Variants in DIP2C observed in about 807,000 individuals in gnomAD.
The protein encoded by DIP2C is DIP2 acetate--CoA ligase C (putative).
A neutral mutation model predicts 192.4 loss-of-function variants in DIP2C; 33 were observed. That is an observed-to-expected ratio of 0.17 (90% CI 0.13 to 0.23). DIP2C has a LOEUF of 0.23. Among genes scored for constraint, DIP2C ranks in the 10% least tolerant of loss-of-function variants. The pLI is 1.00. For missense variants in DIP2C, 1,537 were observed against 2,110.1 expected, an observed-to-expected ratio of 0.73 and a Z score of 5.32; for synonymous variants, 979 against 864.1, an observed-to-expected ratio of 1.13 and a Z score of -2.33.
At chr10:399,929 C>T (rs1455933098) in intron 9 of DIP2C, among the ~76,000 whole-genome samples, 2 of 152,222 alleles carry the variant, frequency 1.3e-5, no homozygotes, top group Non-Finnish European at 2.9e-5. Flanking sequence ...GTGGCACCAA[C>T]CCATCCTGCC....
chr10:590,354 A>C (rs61832964), intron 1 of DIP2C, among the ~76,000 whole-genome samples: 2,220 of 152,306 alleles, frequency 0.015, 30 homozygotes, highest in Middle Eastern at 0.041. Context: ...AAACCACAGC[A>C]AGCTGTTCCT....
chr10:373,985 C>T (rs918885449), intron 17 of DIP2C, among the ~76,000 whole-genome samples: 1 of 152,200 alleles, frequency 6.6e-6, no homozygotes, highest in Non-Finnish European at 1.5e-5. Flanking sequence ...TGTCTTTTCT[C>T]ATTCCTTTGA....
chr10:408,028 T>A (rs572891844), intron 9 of DIP2C, among the ~76,000 whole-genome samples: 1 of 152,306 alleles, frequency 6.6e-6, no homozygotes, highest in African/African-American at 2.4e-5. Context: ...TTCTCTATAT[T>A]TTCTTCTAAG....
At chr10:627,260 C>T (rs1374721136) in intron 1 of DIP2C, among the ~76,000 whole-genome samples, 1 of 152,222 alleles carries the variant, frequency 6.6e-6, no homozygotes, top group Admixed American at 6.5e-5. Context: ...GCAAGAAGGC[C>T]GGACAAGGGC....
intron 1 of DIP2C, among the ~76,000 whole-genome samples, chr10:615,801 A>G (rs1031770240): frequency 3.3e-5 from 5 of 151,858 alleles, no homozygotes; most frequent in African/African-American, 9.7e-5. Context: ...GTGAGATTAC[A>G]CTCCTCCAAA....
In DIP2C at chr10:356,523, G is replaced by A; in HGVS notation, c.2905-17C>T. 1.9e-6 allele frequency: 3 copies of A among 1,604,780 alleles called. No homozygotes were observed. Among genetic ancestry groups the A allele is most frequent in the East Asian group, 4.5e-5 (2 of 44,762 alleles). Reference sequence around the variant, plus strand: ...GAACAGGAACTGGAACAGAGCACGGGCATGAGGATCAGGCTGTGCGGTTGG... The same window carrying A: ...GAACAGGAACTGGAACAGAGCACGGACATGAGGATCAGGCTGTGCGGTTGG... On this transcript the variant is annotated splice_polypyrimidine_tract_variant and intron_variant, in intron 23 of 36. Transcript: ENST00000280886.
chr10:304,715 A>G (rs1006339701), intron 32 of DIP2C, among the ~76,000 whole-genome samples: 2 of 151,648 alleles, frequency 1.3e-5, no homozygotes, highest in Non-Finnish European at 2.9e-5. Context: ...ACTCATCTGC[A>G]TGCACACACG....
intron 22 of DIP2C, 132 bp from the exon 23 acceptor site, chr10:358,069 A>G (rs931398526): frequency 8.3e-6 from 5 of 603,914 alleles, no homozygotes; most frequent in African/African-American, 7.4e-5. Flanking sequence ...ACCTTCTAAG[A>G]ACAGAGATTC....
At chr10:353,814 G>A (rs1484522514) in intron 24 of DIP2C, among the ~76,000 whole-genome samples, 1 of 152,200 alleles carries the variant, frequency 6.6e-6, no homozygotes, top group Non-Finnish European at 1.5e-5. Flanking sequence ...CTTATGGTGT[G>A]TGGAGTGATT....
intron 1 of DIP2C, among the ~76,000 whole-genome samples, chr10:523,192 A>C (rs1358655008): frequency 4.8e-4 from 63 of 132,026 alleles, no homozygotes; most frequent in African/African-American, 1.6e-3. Flanking sequence ...CTGACCCACA[A>C]GCTCGTTTCC....
intron 17 of DIP2C, among the ~76,000 whole-genome samples, chr10:378,933 G>C (rs1040811915): frequency 6.6e-6 from 1 of 152,216 alleles, no homozygotes; most frequent in African/African-American, 2.4e-5. Context: ...GAGGACAGGC[G>C]AGTCACCAGC....
intron 31 of DIP2C, among the ~76,000 whole-genome samples, chr10:321,214 C>T (rs3132013): frequency 0.77 from 117,779 of 152,168 alleles, 46,413 homozygotes; most frequent in Non-Finnish European, 0.84. Context: ...CTTGTCCAGG[C>T]GCCAAGTCAG....
chr10:491,393 G>A (rs1844439079), intron 1 of DIP2C, among the ~76,000 whole-genome samples: 1 of 152,228 alleles, frequency 6.6e-6, no homozygotes, highest in African/African-American at 2.4e-5. Flanking sequence ...TGGTGCTGCT[G>A]CTCTGAGCCT....
At chr10:294,682 T>C (rs1316123210) in intron 32 of DIP2C, among the ~76,000 whole-genome samples, 1 of 152,092 alleles carries the variant, frequency 6.6e-6, no homozygotes, top group Non-Finnish European at 1.5e-5. Flanking sequence ...TTTATGTCCA[T>C]TCATAAAGTT....
At chr10:595,607 CTT>C (rs753943914) in intron 1 of DIP2C, among the ~76,000 whole-genome samples, 13 of 144,024 alleles carry the variant, frequency 9.0e-5, no homozygotes, top group Non-Finnish European at 1.5e-4. Flanking sequence ...AGGACACAAA[CTT>C]TTAAAAAGCT....
intron 3 of DIP2C, among the ~76,000 whole-genome samples, chr10:462,781 T>C (rs1216289570): frequency 6.6e-6 from 1 of 152,208 alleles, no homozygotes; most frequent in Non-Finnish European, 1.5e-5. Flanking sequence ...CTCAATAAAA[T>C]GCTGGCAAAC....
chr10:568,789 A>AAAAAAC (rs1849603215), intron 1 of DIP2C, among the ~76,000 whole-genome samples: 1 of 140,546 alleles, frequency 7.1e-6, no homozygotes, highest in Admixed American at 7.1e-5. Flanking sequence ...AAAAAAAAAA[A>AAAAAAC]AAAAAAAAAC....
chr10:467,338 A>C (rs1970289504), intron 3 of DIP2C, among the ~76,000 whole-genome samples: 1 of 146,582 alleles, frequency 6.8e-6, no homozygotes, highest in African/African-American at 2.5e-5. Flanking sequence ...CAATGAGATC[A>C]CATGGACACA....
At chr10:499,611 G>A (rs541635935) in intron 1 of DIP2C, among the ~76,000 whole-genome samples, 2 of 152,264 alleles carry the variant, frequency 1.3e-5, no homozygotes, top group South Asian at 2.1e-4. Context: ...GCTGCAGGTC[G>A]CAGGAAGGGA....
Sources: allele counts gnomAD v4.1 joint callset (sites outside exome capture counted in the v4.1 genomes callset), GRCh38; gene constraint gnomAD v4.1.1; transcripts MANE v1.5; gene names NCBI Gene and HGNC (gene_info 2026-07-23, HGNC 2026-07-21).